TTN: variants seen among roughly 807,000 people sequenced by gnomAD.
TTN encodes the protein titin.
TTN carries 1,525 observed loss-of-function variants against 3,223.0 expected under a neutral mutation model. That is an observed-to-expected ratio of 0.47 (90% CI 0.45 to 0.49). The LOEUF is 0.49. Among genes scored for constraint, TTN ranks in the 20% least tolerant of loss-of-function variants. TTN has a pLI of 0.00. For synonymous variants in TTN, 14,094 were observed against 15,161.0 expected (o/e 0.93, Z 5.17); for missense variants, 40,786 against 43,424.0 (o/e 0.94, Z 5.40).
rs774717102 is a variant in TTN at position 178,662,426 on chromosome 2, G to A, written c.36959-8C>T. 48 of 1,463,126 alleles carry A rather than the reference G, an allele frequency of 3.3e-5. 9 individuals carry two copies. The highest frequency in any genetic ancestry group is 4.1e-5 in the Non-Finnish European group (46 of 1,119,022). The allele number at this position is 1,463,126 out of a possible 1,614,324, so 90.6% of individuals were successfully genotyped here. ...CTTGAGGAACTTCTGGCACTTGAAA[G>A]ATATTAGTAGTTTTATACTTAGGTT... On this transcript the variant is annotated splice_polypyrimidine_tract_variant and splice_region_variant and intron_variant, in intron 176 of 362. Transcript: ENST00000589042.
In TTN at chr2:178,559,311, C is replaced by T; in HGVS notation, c.86821G>A (p.Glu28941Lys). 1 of 1,581,326 alleles carries T rather than the reference C, an allele frequency of 6.3e-7. No homozygotes were observed. Among genetic ancestry groups the T allele is most frequent in the Non-Finnish European group, 8.6e-7 (1 of 1,163,518 alleles). ...AETKEGVKIT[E>K]KPSPPEKLGV... ...GAATTTCCTTATTCTTAAAACATAC[C>T]TGTTATTTTTACTCCTTCCTTTGTT... The change falls in exon 326 of 363, where the codon GAA becomes AAA. Residue 28941 changes from glutamate (E) to lysine (K), a missense_variant and splice_region_variant. Coordinates refer to ENST00000589042, the MANE Select transcript of TTN (RefSeq NM_001267550.2).
rs745463486 is a variant in TTN, at chr2:178,566,209, C to G, written c.79923G>C (p.Lys26641Asn). 1.2e-6 allele frequency: 2 copies of G among 1,613,688 alleles called. No individual in the cohort carries two copies. Among genetic ancestry groups the G allele is most frequent in the Non-Finnish European group, 1.7e-6 (2 of 1,179,706 alleles). ...GEFTDKVQIEKGVNYTQLSID... is the reference protein window; with the variant it reads ...GEFTDKVQIENGVNYTQLSID... The stretch of plus-strand genomic sequence containing the variant: ...TTGATAGTTGGGTATAGTTTACTCC[C>G]TTTTCAATTTGGACCTTATCTGTGA... Residue 26641 changes from lysine (K) to asparagine (N), a missense_variant, in exon 326 of 363, where the codon AAG (lysine) becomes AAC (asparagine). Lys to Asn is a moderately conservative substitution (Grantham distance 94). Coordinates refer to ENST00000589042, the MANE Select transcript of TTN (RefSeq NM_001267550.2).
At chr2:178,627,755 C>A (rs1346287631) in intron 240 of TTN, among the ~76,000 whole-genome samples, 2 of 151,862 alleles carry the variant, frequency 1.3e-5, no homozygotes, top group Non-Finnish European at 2.9e-5. Context: ...TGAGACTGAT[C>A]TTTTAATAAG....
intron 312 of TTN, 79 bp from the exon 313 acceptor site, chr2:178,583,306 A>G (rs946563510): frequency 5.4e-6 from 7 of 1,289,122 alleles, no homozygotes; most frequent in South Asian, 2.1e-5. Context: ...TGGGAAATTC[A>G]TATGCTGCTT....
chr2:178,596,910 T>C (rs554863371), intron 294 of TTN, among the ~76,000 whole-genome samples: 69 of 152,128 alleles, frequency 4.5e-4, no homozygotes, highest in African/African-American at 1.5e-3. Flanking sequence ...CTATATTCAG[T>C]GACTAGAAAT....
rs1559314812 is a variant in TTN, at chr2:178,563,028, G to T, written c.83104C>A (p.Arg27702=). 1.2e-6 allele frequency: 2 copies of T among 1,613,432 alleles called. No homozygotes were observed. Among genetic ancestry groups the T allele is most frequent in the African/African-American group, 1.3e-5 (1 of 74,870 alleles). ...TCCCATTTAACTTCGGGTTCTGGTC[G>T]ACCTTTGATAGTGACAAATAAGCGT... ...TLRLFVTIKG[R]PEPEVKWEKA... Residue 27702 remains arginine (R), a synonymous_variant, in exon 326 of 363, where the codon CGA becomes AGA. Coordinates refer to ENST00000589042, the MANE Select transcript of TTN (RefSeq NM_001267550.2). The surrounding 1 kb of genome is among the most constrained non-coding windows in gnomAD (Gnocchi z 4.5).
In TTN at chr2:178,533,275, C is replaced by A. The variant is rs770558110; in HGVS notation, c.103340G>T (p.Cys34447Phe). 1 of 1,613,968 alleles carries A rather than the reference C, an allele frequency of 6.2e-7. No individual in the cohort carries two copies. The highest frequency in any genetic ancestry group is 1.1e-5 in the South Asian group (1 of 91,076). Residue 34447 changes from cysteine (C) to phenylalanine (F), a missense_variant, in exon 358 of 363, where the codon TGC becomes TTC. Physicochemically the swap from Cys to Phe is radical, Grantham distance 205. Transcript: ENST00000589042. ...GCGTTCCACTTGTAGGTGAGCCTGG[C>A]AGCTGGTGGACCCAGCTGTGTTAGT... is the stretch of plus-strand genomic sequence containing the variant. Reference protein sequence around the residue: ...TATNTAGSTSCQAHLQVERLR... With the variant: ...TATNTAGSTSFQAHLQVERLR...
rs2154211664 is a variant in TTN, at chr2:178,621,150, C to CGTAA, written c.45564_45567dup (p.Val15190LeufsTer18). 15 of 1,612,580 alleles carry CGTAA rather than the reference C, an allele frequency of 9.3e-6. No individual in the cohort carries two copies. The highest frequency in any genetic ancestry group is 1.3e-5 in the Non-Finnish European group (15 of 1,179,242). ...GCTCTGGCGGCCCCTACCATGACAA[C>CGTAA]GTAAGTGCCCATATCTTGTAATGTG... On this transcript the variant is annotated frameshift_variant, in exon 246 of 363. Transcript: ENST00000589042. LOFTEE classifies it high-confidence loss of function.
At chr2:178,721,431 G>A (rs2078344182) in intron 78 of TTN, among the ~76,000 whole-genome samples, 1 of 150,650 alleles carries the variant, frequency 6.6e-6, no homozygotes, top group Non-Finnish European at 1.5e-5. Flanking sequence ...AAGTTTTAGG[G>A]TACATGTGCA....
In TTN at chr2:178,725,760, A is replaced by G. The variant is rs745975389; in HGVS notation, c.20554+8T>C. ...GACATTTCTGCCATGTGGATGAACT[A>G]TATTTACCTTTCAATTTTACAGTAC... On this transcript the variant is annotated splice_region_variant and intron_variant, in intron 70 of 362. Coordinates refer to ENST00000589042, the MANE Select transcript of TTN (RefSeq NM_001267550.2). 6.3e-7 allele frequency: 1 copy of G among 1,582,634 alleles called. No individual in the cohort carries two copies. Among genetic ancestry groups the G allele is most frequent in the South Asian group, 1.2e-5 (1 of 85,376 alleles).
At chr2:178,649,369 A>T in intron 212 of TTN, 38 bp from the exon 213 acceptor site, 2 of 1,364,578 alleles carry the variant, frequency 1.5e-6, no homozygotes, top group Middle Eastern at 2.2e-4. Context: ...AATAGTATTT[A>T]AAAACATTTT....
In TTN at chr2:178,720,282, T is replaced by G; in HGVS notation, c.23378-18A>C. On this transcript the variant is annotated intron_variant, in intron 80 of 362. Coordinates refer to ENST00000589042, the MANE Select transcript of TTN (RefSeq NM_001267550.2). ...TGGAGGTTCTGATGAAAGAAATTTG[T>G]GGTTAGAGGAAAAAATGTGAGAATC... The G allele has an allele frequency of 6.3e-7, 1 of 1,599,756 alleles. No individual in the cohort carries two copies. Among genetic ancestry groups the G allele is most frequent in the Non-Finnish European group, 8.5e-7 (1 of 1,171,980 alleles).
chr2:178,625,574 T>G (rs1490055128), intron 240 of TTN, among the ~76,000 whole-genome samples, 178 bp from the exon 241 acceptor site: 2 of 151,898 alleles, frequency 1.3e-5, no homozygotes, highest in African/African-American at 4.8e-5. Flanking sequence ...TTTTTTAAAT[T>G]TATTTATTAT....
chr2:178,738,069 G>C lies in TTN; in HGVS notation c.14371+13C>G. 1 of 1,608,776 alleles carries C rather than the reference G, an allele frequency of 6.2e-7. No individual in the cohort carries two copies. The highest frequency in any genetic ancestry group is 8.5e-7 in the Non-Finnish European group (1 of 1,176,076). Reference sequence around the variant, plus strand: ...ATGAAGTGACAACATCTGTGCCAATGTATGGCATTTACCTGTCACAGTTAG... The same window carrying C: ...ATGAAGTGACAACATCTGTGCCAATCTATGGCATTTACCTGTCACAGTTAG... On this transcript the variant is annotated intron_variant, in intron 49 of 362. Coordinates refer to ENST00000589042, the MANE Select transcript of TTN (RefSeq NM_001267550.2).
At position 178,740,128 on chromosome 2, in the gene TTN, C is replaced by T. The variant is rs1258525111; in HGVS notation, c.13105G>A (p.Val4369Met). ...AGGTCCCTTCCCTGTACCTCCTGCA[C>T]TTTCTTTATTGCCACGGGCTCTCTT... ...SKREPVAIKK[V>M]QEVQGRDLLS... is the part of the protein sequence containing the mutation. The change falls in exon 48 of 363, where the codon GTG (valine) becomes ATG (methionine). Residue 4369 changes from valine (V) to methionine (M), a missense_variant. Transcript: ENST00000589042. The T allele has an allele frequency of 3.1e-6, 5 of 1,613,744 alleles. No individual in the cohort carries two copies. Among genetic ancestry groups the T allele is most frequent in the East Asian group, 2.2e-5 (1 of 44,856 alleles).
Position 178,617,146 on chromosome 2 carries a change from C to T in TTN, c.47849G>A (p.Gly15950Asp), listed in dbSNP as rs1289743625. The T allele has an allele frequency of 1.2e-6, 2 of 1,608,040 alleles. No individual in the cohort carries two copies. The highest frequency in any genetic ancestry group is 1.7e-5 in the Admixed American group (1 of 59,306). The change falls in exon 255 of 363, where the codon GGT (glycine) becomes GAT (aspartate). Residue 15950 changes from glycine to aspartate, a missense_variant. Transcript: ENST00000589042. ...AAATGCATCGTCAGCGGTGAGAGGA[C>T]CAAGAATTTCAGATGGATCTGAAAC... is the stretch of plus-strand genomic sequence containing the variant. ...AGVSDPSEIL[G>D]PLTADDAFVE...
At chr2:178,669,493 G>C (rs1188790603) in intron 158 of TTN, 46 bp from the exon 159 acceptor site, 1 of 1,571,646 alleles carries the variant, frequency 6.4e-7, no homozygotes, top group Admixed American at 1.8e-5. Flanking sequence ...ACAAATATAA[G>C]ATACGAAATA....
Position 178,740,311 on chromosome 2 carries a change from C to T in TTN, c.12922G>A (p.Ala4308Thr). The change falls in exon 48 of 363, where the codon GCA becomes ACA. Residue 4308 changes from alanine to threonine, a missense_variant. Transcript: ENST00000589042. The stretch of plus-strand genomic sequence containing the variant: ...TGCCCTGCATTTTCCAGTGGATTTG[C>T]ACTTTCTATCAAAATTTTACCTCCT... ...TEGGKILIES[A>T]NPLENAGQDS... The T allele has an allele frequency of 6.2e-7, 1 of 1,613,726 alleles. No individual in the cohort carries two copies. The highest frequency in any genetic ancestry group is 8.5e-7 in the Non-Finnish European group (1 of 1,179,808).
In TTN at chr2:178,804,497, T is replaced by A. The variant is rs72647841; in HGVS notation, c.91+55A>T. On this transcript the variant is annotated intron_variant, in intron 2 of 362. Coordinates refer to ENST00000589042, the MANE Select transcript of TTN (RefSeq NM_001267550.2). ...CGTCAAGTCCTGCAGCAACGTTAACTTACTGGAGAGGAGGCAAAGGAAAAA... is the reference window on the plus strand; with the variant it reads ...CGTCAAGTCCTGCAGCAACGTTAACATACTGGAGAGGAGGCAAAGGAAAAA... The A allele has an allele frequency of 3.8e-6, 6 of 1,564,176 alleles. No homozygotes were observed. The Admixed American group carries it at 5.1e-5, about 13-fold the overall frequency.
Sources: allele counts gnomAD v4.1 joint callset (sites outside exome capture counted in the v4.1 genomes callset), GRCh38; gene constraint gnomAD v4.1.1; non-coding constraint Gnocchi (gnomAD v3.1); transcripts MANE v1.5; gene names NCBI Gene and HGNC (gene_info 2026-07-23, HGNC 2026-07-21).